RBMS3: variants seen among roughly 807,000 people sequenced by gnomAD.
The protein encoded by RBMS3 is RNA-binding motif, single-stranded-interacting protein 3.
RBMS3 carries 27 observed loss-of-function variants against 66.8 expected under a neutral mutation model. The observed-to-expected ratio is 0.40, with a 90% confidence interval of 0.30 to 0.56. The LOEUF (loss-of-function observed/expected upper bound fraction) is 0.56, where lower values mean the gene tolerates loss of function less well. Ranked by LOEUF, RBMS3 falls within the 20% of genes least tolerant of loss-of-function variation. The probability of loss-of-function intolerance (pLI) is 0.40; values close to 1 mark genes in which losing one functional copy is unlikely to be tolerated. For missense variants in RBMS3, 513 were observed against 549.5 expected (o/e 0.93, Z 0.66); for synonymous variants, 188 against 183.0 (o/e 1.03, Z -0.22).
chr3:29,884,208 G>A lies in RBMS3; in HGVS notation c.791G>A (p.Gly264Glu). 1 of 1,608,446 alleles carries A rather than the reference G, an allele frequency of 6.2e-7. No homozygotes were observed. The highest frequency in any genetic ancestry group is 8.5e-7 in the Non-Finnish European group (1 of 1,175,602). The change falls in exon 8 of 15, where the codon GGA (glycine) becomes GAA (glutamate). Residue 264 changes from glycine to glutamate, a missense_variant and splice_region_variant. Coordinates refer to ENST00000383767, the MANE Select transcript of RBMS3 (RefSeq NM_001003793.3). ...GACCCCACAGCTGCCATACAGAATG[G>A]GTAAGTAGATCACATTTTCTCTATT... ...TYDPTAAIQNGFYSSPYSIAT... is the reference protein window; with the variant it reads ...TYDPTAAIQNEFYSSPYSIAT...
chr3:29,983,507 T>G (rs138822357), intron 12 of RBMS3, among the ~76,000 whole-genome samples: 39 of 152,314 alleles, frequency 2.6e-4, no homozygotes, highest in East Asian at 1.9e-4. Flanking sequence ...TTTTTCATAG[T>G]GTCCATGGTC....
intron 6 of RBMS3, among the ~76,000 whole-genome samples, chr3:29,849,181 T>C (rs1163531608): frequency 6.6e-6 from 1 of 150,902 alleles, no homozygotes; most frequent in Admixed American, 6.6e-5. Flanking sequence ...TGTGTGTGTG[T>C]GTGTGTGTGT....
At chr3:29,332,203 A>G (rs992698215) in intron 1 of RBMS3, among the ~76,000 whole-genome samples, 78 of 152,158 alleles carry the variant, frequency 5.1e-4, no homozygotes, top group African/African-American at 1.8e-3. Flanking sequence ...AATTTAATAC[A>G]TTTTCTATCC....
At chr3:29,647,911 G>C (rs1400019548) in intron 4 of RBMS3, among the ~76,000 whole-genome samples, 1 of 152,120 alleles carries the variant, frequency 6.6e-6, no homozygotes, top group African/African-American at 2.4e-5. Flanking sequence ...GAATGGTTAA[G>C]ATCTACTGGG....
At chr3:29,664,770 A>G (rs2050689956) in intron 4 of RBMS3, among the ~76,000 whole-genome samples, 1 of 152,170 alleles carries the variant, frequency 6.6e-6, no homozygotes, top group South Asian at 2.1e-4. Flanking sequence ...GATGTTAATT[A>G]AAACCCTATT....
rs1172789809 is a variant in RBMS3, at chr3:29,962,032, G to A, written c.1098+17778G>A. Among the ~76,000 whole-genome samples the A allele has an allele frequency of 2.1e-5, 3 of 141,608 alleles. No individual in the cohort carries two copies. In the Admixed American group the frequency reaches 2.2e-4, roughly 10 times the overall value. 92.9% of individuals were successfully genotyped at this position (141,608 alleles called of 152,430 possible). A position where few individuals can be genotyped will look rare whatever the true frequency, so the allele number is the denominator to read the frequency against. On this transcript the variant is annotated intron_variant, in intron 12 of 14. Transcript: ENST00000383767. ...ATATATTTTTATATATATTTTGTATGTATAATATATTATATATGTGTATAT... is the reference window on the plus strand; with the variant it reads ...ATATATTTTTATATATATTTTGTATATATAATATATTATATATGTGTATAT...
intron 4 of RBMS3, among the ~76,000 whole-genome samples, chr3:29,723,358 A>G (rs1322231673): frequency 2.0e-5 from 3 of 152,176 alleles, no homozygotes; most frequent in Admixed American, 2.0e-4. Context: ...GATTTTGTTA[A>G]CGTCAATATT....
intron 4 of RBMS3, among the ~76,000 whole-genome samples, chr3:29,683,443 T>A (rs1434347843): frequency 2.0e-5 from 3 of 151,818 alleles, no homozygotes; most frequent in African/African-American, 7.3e-5. Flanking sequence ...CAGTGGGGAA[T>A]AAAGGGGAGG....
intron 4 of RBMS3, among the ~76,000 whole-genome samples, chr3:29,607,312 C>A (rs1576348592): frequency 6.6e-6 from 1 of 151,850 alleles, no homozygotes; most frequent in Non-Finnish European, 1.5e-5. Flanking sequence ...AAATTTATTT[C>A]TCAGAGTTTT....
intron 1 of RBMS3, among the ~76,000 whole-genome samples, chr3:29,373,663 A>G (rs1300640427): frequency 1.3e-5 from 2 of 152,190 alleles, no homozygotes; most frequent in Non-Finnish European, 2.9e-5. Context: ...AACAAGTAGC[A>G]AGTAATTGAG....
intron 1 of RBMS3, among the ~76,000 whole-genome samples, chr3:29,369,062 C>G (rs2038053750): frequency 6.6e-6 from 1 of 152,014 alleles, no homozygotes; most frequent in South Asian, 2.1e-4. Flanking sequence ...AAAGCAGGAA[C>G]AACAAGCCAA....
chr3:29,617,378 A>G (rs2048707644), intron 4 of RBMS3, among the ~76,000 whole-genome samples: 1 of 152,230 alleles, frequency 6.6e-6, no homozygotes, highest in African/African-American at 2.4e-5. Flanking sequence ...AACGTACACT[A>G]TGATTTCATT....
At chr3:29,708,358 C>T (rs977446867) in intron 4 of RBMS3, among the ~76,000 whole-genome samples, 7 of 152,080 alleles carry the variant, frequency 4.6e-5, no homozygotes. Context: ...TAGTAGCCAC[C>T]ATTTCAGGGG....
chr3:29,307,886 A>G (rs1437892506), intron 1 of RBMS3, among the ~76,000 whole-genome samples: 1 of 151,866 alleles, frequency 6.6e-6, no homozygotes, highest in African/African-American at 2.4e-5. Flanking sequence ...GATATTTAAT[A>G]GTATATATTA....
At chr3:29,945,427 G>C (rs13074743) in intron 12 of RBMS3, among the ~76,000 whole-genome samples, 4 of 151,494 alleles carry the variant, frequency 2.6e-5, no homozygotes, top group Non-Finnish European at 5.9e-5. Context: ...ATTTGGCCGC[G>C]AAGTCATTTC....
At position 29,897,604 on chromosome 3, in the gene RBMS3, A is replaced by C. The variant is rs892049404; in HGVS notation, c.888+129A>C. ...CACTTTAATCACATCTTAATGTAAT[A>C]ATACTCAAGTTATGAGTTAGCCTAT... On this transcript the variant is annotated intron_variant, in intron 9 of 14. Transcript: ENST00000383767. 3 of 778,740 alleles carry C rather than the reference A, an allele frequency of 3.9e-6. No individual in the cohort carries two copies. The African/African-American group carries it at 5.2e-5, about 13-fold the overall frequency. 48.2% of individuals were successfully genotyped at this position (778,740 alleles called of 1,614,324 possible).
intron 1 of RBMS3, among the ~76,000 whole-genome samples, chr3:29,318,455 G>A (rs2034820359): frequency 6.6e-6 from 1 of 151,792 alleles, no homozygotes; most frequent in South Asian, 2.1e-4. Flanking sequence ...TTTGGTATCT[G>A]GCTAATATAT....
chr3:29,763,829 G>A lies in RBMS3; in HGVS notation c.637+840G>A, dbSNP rs566778827. ...GAAGTATTAAACTAAGAAAAATTACGTAAAGATTCATCTGAATAAGGCAGT... is the reference window on the plus strand; with the variant it reads ...GAAGTATTAAACTAAGAAAAATTACATAAAGATTCATCTGAATAAGGCAGT... On this transcript the variant is annotated intron_variant, in intron 6 of 14. Transcript: ENST00000383767. Among the ~76,000 whole-genome samples the A allele has an allele frequency of 5.9e-5, 9 of 151,926 alleles. No homozygotes were observed. The East Asian group carries it at 9.7e-4, about 16-fold the overall frequency.
At chr3:29,838,078 A>G (rs2058570612) in intron 6 of RBMS3, among the ~76,000 whole-genome samples, 1 of 150,434 alleles carries the variant, frequency 6.6e-6, no homozygotes, top group African/African-American at 2.4e-5. Flanking sequence ...CTGTAATCCC[A>G]CTACTTTGGG....
Sources: gnomAD v4.1 joint callset for allele counts (sites outside exome capture counted in the v4.1 genomes callset) on GRCh38, gnomAD v4.1.1 for gene constraint, MANE v1.5 for transcripts, NCBI Gene and HGNC (gene_info 2026-07-23, HGNC 2026-07-21) for gene names.